The following ADAP2 variants were observed in gnomAD, a reference collection of about 807,000 sequenced individuals.
ADAP2 encodes the protein arf-GAP with dual PH domain-containing protein 2.
In ADAP2, 42 loss-of-function variants were observed where a neutral mutation model predicts 54.9. That is an observed-to-expected ratio of 0.77 (90% CI 0.60 to 0.99). ADAP2 has a LOEUF of 0.99. Ranked by LOEUF, ADAP2 falls within the 50% of genes least tolerant of loss-of-function variation. The pLI, the probability that ADAP2 is intolerant of heterozygous loss-of-function variation, is 0.00. For missense variants in ADAP2, 429 were observed against 480.4 expected (o/e 0.89, Z 1.00); for synonymous variants, 177 against 180.1 (o/e 0.98, Z 0.14).
At chr17:30,937,192 G>A (rs1052589683) in intron 5 of ADAP2, among the ~76,000 whole-genome samples, 2 of 151,904 alleles carry the variant, frequency 1.3e-5, no homozygotes, top group African/African-American at 4.8e-5. Flanking sequence ...CCAAAGTGCT[G>A]GGATTACAGG....
chr17:30,922,773 C>T (rs531919139), intron 1 of ADAP2, among the ~76,000 whole-genome samples, 167 bp from the exon 2 acceptor site: 5 of 152,374 alleles, frequency 3.3e-5, no homozygotes, highest in African/African-American at 1.2e-4. Flanking sequence ...ATCTTCACCC[C>T]GGTCGCCGCG....
intron 5 of ADAP2, among the ~76,000 whole-genome samples, chr17:30,937,394 G>T (rs1911970011): frequency 6.6e-6 from 1 of 151,818 alleles, no homozygotes. Context: ...GCTAATTTTT[G>T]TATTTTTAGT....
Position 30,945,026 on chromosome 17 carries a change from C to A in ADAP2, c.630C>A (p.Asn210Lys). 6.2e-7 allele frequency: 1 copy of A among 1,614,028 alleles called. No homozygotes were observed. The highest frequency in any genetic ancestry group is 8.5e-7 in the Non-Finnish European group (1 of 1,179,996). ...ITYRRDGHTR[N>K]LFVYHESGKE... ...ACAGGAGAGATGGCCACACCAGGAA[C>A]CTGTTTGTGTATCATGAAAGTGGGA... Residue 210 changes from asparagine to lysine, a missense_variant, in exon 6 of 11, where the codon AAC becomes AAA. Coordinates refer to ENST00000330889, the MANE Select transcript of ADAP2 (RefSeq NM_018404.3).
At chr17:30,949,748 CAAAAAAAAA>C (rs34131343) in intron 7 of ADAP2, among the ~76,000 whole-genome samples, 2 of 62,002 alleles carry the variant, frequency 3.2e-5, no homozygotes, top group South Asian at 5.8e-4. Context: ...GACTCCGTCT[CAAAAAAAAA>C]AAAAAAAAAA....
intron 6 of ADAP2, among the ~76,000 whole-genome samples, chr17:30,945,952 G>A (rs1248371291): frequency 6.6e-6 from 1 of 151,214 alleles, no homozygotes; most frequent in Non-Finnish European, 1.5e-5. Context: ...AGGAGATCGA[G>A]ACCATGCTGT....
intron 5 of ADAP2, among the ~76,000 whole-genome samples, chr17:30,938,594 G>C (rs1455079576): frequency 2.0e-5 from 3 of 152,182 alleles, no homozygotes; most frequent in Non-Finnish European, 4.4e-5. Flanking sequence ...AGGACAGAAA[G>C]ATAAGAAGTT....
chr17:30,933,883 A>C (rs2142529002), intron 4 of ADAP2, among the ~76,000 whole-genome samples: 1 of 152,346 alleles, frequency 6.6e-6, no homozygotes, highest in East Asian at 1.9e-4. Context: ...TGTCTTTCAG[A>C]ATCAGTCCAG....
intron 6 of ADAP2, among the ~76,000 whole-genome samples, chr17:30,947,258 T>A (rs1474352971): frequency 6.6e-6 from 1 of 152,186 alleles, no homozygotes; most frequent in East Asian, 1.9e-4. Flanking sequence ...AGGTTGGATT[T>A]GGCACCAGGA....
At position 30,958,123 on chromosome 17, in the gene ADAP2, T is replaced by C. The variant is rs983826105; in HGVS notation, c.*254T>C. The C allele has an allele frequency of 2.9e-5, 15 of 517,162 alleles. No individual in the cohort carries two copies. The highest frequency in any genetic ancestry group is 2.5e-4 in the African/African-American group (13 of 51,914). 32.0% of individuals were successfully genotyped at this position (517,162 alleles called of 1,614,324 possible). A position where few individuals can be genotyped will look rare whatever the true frequency, so the allele number is the denominator to read the frequency against. On this transcript the variant is annotated 3_prime_UTR_variant, in exon 11 of 11. Coordinates refer to ENST00000330889, the MANE Select transcript of ADAP2 (RefSeq NM_018404.3). Reference sequence around the variant, plus strand: ...CTCCTCCCCCATACACACCTAGGCTTGAAATGCCCTACAGGCCCAGAACTT... The same window carrying C: ...CTCCTCCCCCATACACACCTAGGCTCGAAATGCCCTACAGGCCCAGAACTT...
chr17:30,940,548 G>A (rs944003962), intron 5 of ADAP2, among the ~76,000 whole-genome samples: 35 of 151,972 alleles, frequency 2.3e-4, no homozygotes, highest in African/African-American at 6.3e-4. Context: ...CAAGTGATTC[G>A]CCCGCCTTGG....
At chr17:30,934,412 T>C (rs1362003840) in intron 5 of ADAP2, 115 bp downstream of exon 5, 2 of 687,244 alleles carry the variant, frequency 2.9e-6, no homozygotes, top group Non-Finnish European at 4.8e-6. Flanking sequence ...CCCTGAGAGT[T>C]AGGCACAACA....
At chr17:30,955,295 G>A (rs894747168) in intron 9 of ADAP2, among the ~76,000 whole-genome samples, 8 of 151,774 alleles carry the variant, frequency 5.3e-5, no homozygotes, top group African/African-American at 1.9e-4. Flanking sequence ...AAAAAATTTA[G>A]GGCTGGATGT....
At chr17:30,927,718 A>G (rs556541951) in intron 3 of ADAP2, among the ~76,000 whole-genome samples, 2 of 152,206 alleles carry the variant, frequency 1.3e-5, no homozygotes, top group South Asian at 2.1e-4. Context: ...CTAAATACTA[A>G]CCATAAAAAT....
intron 5 of ADAP2, among the ~76,000 whole-genome samples, chr17:30,941,334 A>G (rs940959095): frequency 6.6e-6 from 1 of 152,252 alleles, no homozygotes; most frequent in Non-Finnish European, 1.5e-5. Flanking sequence ...TGCAGGCGCC[A>G]TCTTCAACAT....
intron 5 of ADAP2, among the ~76,000 whole-genome samples, chr17:30,935,779 G>T (rs976310387): frequency 6.6e-6 from 1 of 152,164 alleles, no homozygotes; most frequent in Non-Finnish European, 1.5e-5. Flanking sequence ...AAGTGTGTTT[G>T]GTGGGTGTAG....
rs1172794285 is a variant in ADAP2 at position 30,944,932 on chromosome 17, G to C, written c.536G>C (p.Ser179Thr). 6.2e-7 allele frequency: 1 copy of C among 1,614,104 alleles called. No individual in the cohort carries two copies. Among genetic ancestry groups the C allele is most frequent in the Non-Finnish European group, 8.5e-7 (1 of 1,180,022 alleles). Residue 179 changes from serine (S) to threonine (T), a missense_variant, in exon 6 of 11, where the codon AGC becomes ACC. Coordinates refer to ENST00000330889, the MANE Select transcript of ADAP2 (RefSeq NM_018404.3). ...EQGKSPKAVI[S>T]IKDLNATFQT... is the part of the protein sequence containing the mutation. ...GGTAAAAGCCCCAAAGCTGTCATCA[G>C]CATTAAGGACTTGAATGCCACCTTC...
chr17:30,954,559 A>G lies in ADAP2; in HGVS notation c.882+4A>G. 1 of 1,613,662 alleles carries G rather than the reference A, an allele frequency of 6.2e-7. No homozygotes were observed. The highest frequency in any genetic ancestry group is 8.5e-7 in the Non-Finnish European group (1 of 1,179,558). On this transcript the variant is annotated splice_donor_region_variant and intron_variant, in intron 9 of 10. Transcript: ENST00000330889. ...GCTCTATTACAAGAACCCACTGGTA[A>G]GAGCCACTCCTGCTCCCTCCCCAGG...
Position 30,931,910 on chromosome 17 carries a change from T to G in ADAP2, c.339T>G (p.Ile113Met). ...NDCLVLKEQW[I>M]RAKYERREFM... ...TTAGGGTCTTAAAGGAACAATGGATTCGAGCTAAGTATGAGAGACGGGAAT... is the reference window on the plus strand; with the variant it reads ...TTAGGGTCTTAAAGGAACAATGGATGCGAGCTAAGTATGAGAGACGGGAAT... The change falls in exon 4 of 11, where the codon ATT (isoleucine) becomes ATG (methionine). Residue 113 changes from isoleucine (I) to methionine (M), a missense_variant. By Grantham distance (10) the Ile-to-Met change is conservative (BLOSUM62 1). Transcript: ENST00000330889. 1 of 1,613,840 alleles carries G rather than the reference T, an allele frequency of 6.2e-7. No individual in the cohort carries two copies. The highest frequency in any genetic ancestry group is 8.5e-7 in the Non-Finnish European group (1 of 1,179,908).
intron 5 of ADAP2, among the ~76,000 whole-genome samples, chr17:30,938,052 A>C (rs1051373336): frequency 6.6e-6 from 1 of 152,214 alleles, no homozygotes; most frequent in Non-Finnish European, 1.5e-5. Context: ...CCTAAGCAGG[A>C]AAAAGGTGTT....
Sources: allele counts gnomAD v4.1 joint callset (sites outside exome capture counted in the v4.1 genomes callset), GRCh38; gene constraint gnomAD v4.1.1; transcripts MANE v1.5; gene names NCBI Gene and HGNC (gene_info 2026-07-23, HGNC 2026-07-21).